PTPN3: variants seen among roughly 807,000 people sequenced by gnomAD.
PTPN3 encodes tyrosine-protein phosphatase non-receptor type 3.
In PTPN3, 96 loss-of-function variants were observed where a neutral mutation model predicts 132.7. The ratio of observed to expected loss-of-function variants is 0.72; its 90% CI spans 0.61 to 0.86. The LOEUF (loss-of-function observed/expected upper bound fraction) is 0.86. Among genes scored for constraint, PTPN3 ranks in the 40% least tolerant of loss-of-function variants. PTPN3 has a pLI of 0.00. For synonymous variants in PTPN3, 398 were observed against 429.0 expected, an observed-to-expected ratio of 0.93 and a Z score of 0.89; for missense variants, 1,125 against 1,159.6, an observed-to-expected ratio of 0.97 and a Z score of 0.43.
At position 109,450,568 on chromosome 9, in the gene PTPN3, G is replaced by A. The variant is rs1845181473; in HGVS notation, c.369-1713C>T. 3.0e-6 allele frequency: 3 copies of A among 985,026 alleles called. No homozygotes were observed. In the South Asian group the frequency reaches 1.4e-4, roughly 46 times the overall value. The allele number at this position is 985,026 out of a possible 1,614,324, so 61.0% of individuals were successfully genotyped here. On this transcript the variant is annotated intron_variant, in intron 5 of 25. Transcript: ENST00000374541. The stretch of plus-strand genomic sequence containing the variant: ...TCAACCCCATGGCATCATACACAAA[G>A]AAACTAGAATAGTGGAACCCAACCC...
chr9:109,389,057 G>C (rs1282115625), intron 22 of PTPN3, among the ~76,000 whole-genome samples, 176 bp downstream of exon 22: 1 of 152,140 alleles, frequency 6.6e-6, no homozygotes, highest in East Asian at 1.9e-4. Flanking sequence ...CTGGGGAGGA[G>C]GAGGGCTGAG....
chr9:109,449,818 G>C (rs968365388), intron 5 of PTPN3: 1 of 985,298 alleles, frequency 1.0e-6, no homozygotes, highest in African/African-American at 1.7e-5. Context: ...AAACAAATCA[G>C]TTTCATTATT....
At chr9:109,415,077 A>ACCGT (rs1391130873) in intron 14 of PTPN3, among the ~76,000 whole-genome samples, 11 of 125,188 alleles carry the variant, frequency 8.8e-5, no homozygotes, top group Admixed American at 5.7e-4. Context: ...CGTCCATCCA[A>ACCGT]CCATCCATCC....
intron 1 of PTPN3, among the ~76,000 whole-genome samples, chr9:109,474,628 G>A (rs58272963): frequency 0.034 from 5,141 of 152,218 alleles, 207 homozygotes; most frequent in East Asian, 0.23. Flanking sequence ...GGTTGGGGGG[G>A]AAAATGCACG....
At chr9:109,505,491 C>G in the PTPN3 span, among the ~76,000 whole-genome samples, 1 of 152,246 alleles carries the variant, frequency 6.6e-6, no homozygotes, top group African/African-American at 2.4e-5. Flanking sequence ...TTTGGCCAGG[C>G]TGGTCTCAAA....
the PTPN3 span, among the ~76,000 whole-genome samples, chr9:109,507,808 C>T: frequency 6.6e-6 from 1 of 152,170 alleles, no homozygotes; most frequent in Non-Finnish European, 1.5e-5. Flanking sequence ...CCACTGAGGC[C>T]TCCATCCATA....
At position 109,410,062 on chromosome 9, in the gene PTPN3, G is replaced by A. The variant is rs936727413; in HGVS notation, c.1515C>T (p.Asp505=). The A allele has an allele frequency of 3.1e-6, 5 of 1,614,224 alleles. No homozygotes were observed. Among genetic ancestry groups the A allele is most frequent in the East Asian group, 2.2e-5 (1 of 44,886 alleles). The change falls in exon 16 of 26, where the codon GAC becomes GAT. Residue 505 remains aspartate, a synonymous_variant. Coordinates refer to ENST00000374541, the MANE Select transcript of PTPN3 (RefSeq NM_002829.4). ...QYYCDKNDNG[D]SYLVLIRITP... ...TGATACGGATCAAGACTAAGTAGCT[G>A]TCACCATTATCATTCTGGAAAACGG...
the PTPN3 span, among the ~76,000 whole-genome samples, chr9:109,517,781 G>A: frequency 1.3e-5 from 2 of 152,206 alleles, no homozygotes; most frequent in Admixed American, 1.3e-4. Flanking sequence ...TCTGGCCTGT[G>A]CCTGCACAGC....
At chr9:109,532,955 T>G in the PTPN3 span, 1 of 283,956 alleles carries the variant, frequency 3.5e-6, no homozygotes, top group Non-Finnish European at 5.0e-6. Flanking sequence ...TTTTTTTTTT[T>G]TTTTTTTTTT....
chr9:109,400,554 C>A (rs1841005630), intron 19 of PTPN3, among the ~76,000 whole-genome samples: 1 of 152,080 alleles, frequency 6.6e-6, no homozygotes, highest in African/African-American at 2.4e-5. Flanking sequence ...ATTCTAATAA[C>A]AACTCTCATA....
At chr9:109,408,195 G>T in intron 17 of PTPN3, 126 bp downstream of exon 17, 1 of 652,292 alleles carries the variant, frequency 1.5e-6, no homozygotes, top group South Asian at 2.8e-5. Flanking sequence ...TAGAAAACAT[G>T]GTGATGTATA....
rs1255193591 is a variant in PTPN3 at position 109,426,982 on chromosome 9, C to T, written c.969G>A (p.Gln323=). The change falls in exon 12 of 26, where the codon CAG becomes CAA. Residue 323 remains glutamine (Q), a synonymous_variant. Transcript: ENST00000374541. The part of the protein sequence containing the change: ...LLPQEKNVLS[Q]YWTMGSRNTK... ...TGTTCCGAGAGCCCATAGTCCAGTA[C>T]TGAGACAGAACATTCTTTTCCTGAG... 7 of 1,613,832 alleles carry T rather than the reference C, an allele frequency of 4.3e-6. No individual in the cohort carries two copies. The South Asian group carries it at 5.5e-5, about 13-fold the overall frequency.
chr9:109,498,633 G>A (rs1489885060), upstream of PTPN3, among the ~76,000 whole-genome samples: 1 of 152,186 alleles, frequency 6.6e-6, no homozygotes, highest in East Asian at 1.9e-4. The surrounding 1 kb of genome is among the most constrained non-coding windows in gnomAD (Gnocchi z 4.2). Flanking sequence ...GAGGAGTCTT[G>A]CACGACGGGT....
Position 109,436,974 on chromosome 9 carries a change from C to T in PTPN3, c.588-4G>A, listed in dbSNP as rs370313027. Reference sequence around the variant, plus strand: ...TGCTTCTGATTGTTTTAGCCCACTACGGAAGAAAAGACAAAAAGCAGAGTT... The same window carrying T: ...TGCTTCTGATTGTTTTAGCCCACTATGGAAGAAAAGACAAAAAGCAGAGTT... On this transcript the variant is annotated splice_polypyrimidine_tract_variant and splice_region_variant and intron_variant, in intron 8 of 25. Coordinates refer to ENST00000374541, the MANE Select transcript of PTPN3 (RefSeq NM_002829.4). 66 of 1,613,386 alleles carry T rather than the reference C, an allele frequency of 4.1e-5. No homozygotes were observed. In the African/African-American group the frequency reaches 4.5e-4, roughly 11 times the overall value.
At chr9:109,401,078 A>T (rs1841050317) in intron 19 of PTPN3, among the ~76,000 whole-genome samples, 1 of 152,232 alleles carries the variant, frequency 6.6e-6, no homozygotes, top group Non-Finnish European at 1.5e-5. Context: ...GATTTTATTA[A>T]AAAGAAGGGT....
intron 14 of PTPN3, among the ~76,000 whole-genome samples, chr9:109,419,633 C>A (rs1842755665): frequency 6.6e-6 from 1 of 151,830 alleles, no homozygotes; most frequent in Non-Finnish European, 1.5e-5. Flanking sequence ...AAAAAAAGAC[C>A]CATATAACAA....
intron 5 of PTPN3, among the ~76,000 whole-genome samples, chr9:109,452,435 G>A (rs1469511633): frequency 6.6e-6 from 1 of 151,846 alleles, no homozygotes; most frequent in Admixed American, 6.6e-5. Context: ...AAAACCCACT[G>A]GTTAGAACCA....
At chr9:109,535,611 A>G in the PTPN3 span, among the ~76,000 whole-genome samples, 5 of 151,736 alleles carry the variant, frequency 3.3e-5, no homozygotes, top group Admixed American at 2.6e-4. Context: ...GGTTCAAGTG[A>G]TTCTGGTGCC....
the PTPN3 span, among the ~76,000 whole-genome samples, chr9:109,509,942 T>G: frequency 1.3e-5 from 2 of 152,064 alleles, no homozygotes; most frequent in Non-Finnish European, 2.9e-5. Context: ...GTAAAGTCAC[T>G]GAAAACGTAA....
Sources: allele counts gnomAD v4.1 joint callset (sites outside exome capture counted in the v4.1 genomes callset), GRCh38; gene constraint gnomAD v4.1.1; non-coding constraint Gnocchi (gnomAD v3.1); transcripts MANE v1.5; gene names NCBI Gene and HGNC (gene_info 2026-07-23, HGNC 2026-07-21).